The following NEGR1 variants were observed in gnomAD, a reference collection of about 807,000 sequenced individuals.
NEGR1 encodes the protein IgLON family member 4.
In NEGR1, 10 loss-of-function variants were observed where a neutral mutation model predicts 40.9. The observed-to-expected ratio is 0.24, with a 90% CI of 0.15 to 0.42. The LOEUF (loss-of-function observed/expected upper bound fraction) is 0.42. NEGR1 is among the 10% of genes least tolerant of loss of function. The probability of loss-of-function intolerance (pLI) is 1.00; values close to 1 mark genes in which losing one functional copy is unlikely to be tolerated. For missense variants in NEGR1, 352 were observed against 438.9 expected, an observed-to-expected ratio of 0.80 and a Z score of 1.77; for synonymous variants, 185 against 166.8, an observed-to-expected ratio of 1.11 and a Z score of -0.84.
intron 1 of NEGR1, among the ~76,000 whole-genome samples, chr1:72,256,726 CCTT>C (rs1408108773): frequency 6.6e-6 from 1 of 152,022 alleles, no homozygotes; most frequent in Admixed American, 6.6e-5. Flanking sequence ...ATTTTGTTTA[CCTT>C]ATTAGAGAAT....
intron 2 of NEGR1, among the ~76,000 whole-genome samples, chr1:71,840,534 G>A (rs510012): frequency 0.4 from 60,127 of 151,908 alleles, 12,551 homozygotes; most frequent in East Asian, 0.65. Context: ...TTATACTACT[G>A]ATAAATGGTT....
At chr1:72,128,313 G>T (rs2100306566) in intron 1 of NEGR1, among the ~76,000 whole-genome samples, 1 of 152,228 alleles carries the variant, frequency 6.6e-6, no homozygotes, top group Non-Finnish European at 1.5e-5. Context: ...AGCATATATT[G>T]GCAAAGAGCA....
chr1:71,999,648 T>C (rs1022701775), intron 1 of NEGR1, among the ~76,000 whole-genome samples: 1 of 43,286 alleles, frequency 2.3e-5, no homozygotes, highest in Non-Finnish European at 5.3e-5. Context: ...TATATATATA[T>C]ATATATATAT....
intron 1 of NEGR1, among the ~76,000 whole-genome samples, chr1:71,957,475 T>C (rs957621974): frequency 1.3e-5 from 2 of 152,056 alleles, no homozygotes; most frequent in East Asian, 3.9e-4. Context: ...TATGGATAAA[T>C]AAAAACCAAT....
chr1:72,038,040 C>G (rs1394741354), intron 1 of NEGR1, among the ~76,000 whole-genome samples: 1 of 152,074 alleles, frequency 6.6e-6, no homozygotes, highest in Non-Finnish European at 1.5e-5. Flanking sequence ...ATACTATGGT[C>G]TCATATATCA....
At chr1:71,728,626 T>G (rs896315566) in intron 3 of NEGR1, among the ~76,000 whole-genome samples, 1 of 152,230 alleles carries the variant, frequency 6.6e-6, no homozygotes, top group African/African-American at 2.4e-5. Flanking sequence ...GTAGGAACTT[T>G]ACTGGCTGTG....
At chr1:71,574,593 T>C (rs1048783734) in intron 6 of NEGR1, among the ~76,000 whole-genome samples, 10 of 152,052 alleles carry the variant, frequency 6.6e-5, no homozygotes, top group Non-Finnish European at 1.0e-4. Context: ...AGAAATGAAG[T>C]AGGTGATGGG....
chr1:71,914,377 C>T (rs946725096), intron 2 of NEGR1, among the ~76,000 whole-genome samples: 7 of 152,196 alleles, frequency 4.6e-5, no homozygotes, highest in African/African-American at 9.6e-5. Flanking sequence ...TTTTTTCCCA[C>T]ATTTCACAGA....
At chr1:71,585,989 G>A (rs1331481141) in intron 6 of NEGR1, among the ~76,000 whole-genome samples, 2 of 151,960 alleles carry the variant, frequency 1.3e-5, no homozygotes, top group Non-Finnish European at 2.9e-5. Context: ...TAGTGTATTG[G>A]CCATTTTGCA....
intron 3 of NEGR1, among the ~76,000 whole-genome samples, chr1:71,712,852 C>T (rs1654147697): frequency 6.6e-6 from 1 of 151,994 alleles, no homozygotes; most frequent in Non-Finnish European, 1.5e-5. Flanking sequence ...TGTGGCACTT[C>T]CATCTTAACT....
At chr1:72,029,363 G>T (rs887010106) in intron 1 of NEGR1, among the ~76,000 whole-genome samples, 1 of 152,028 alleles carries the variant, frequency 6.6e-6, no homozygotes, top group Non-Finnish European at 1.5e-5. Context: ...AAGAAACAAA[G>T]ACAACCTCAG....
intron 6 of NEGR1, among the ~76,000 whole-genome samples, chr1:71,424,253 A>G (rs1160550357): frequency 1.3e-5 from 2 of 152,226 alleles, no homozygotes; most frequent in Non-Finnish European, 2.9e-5. Context: ...ATCTTCACCT[A>G]CAGGCTCAGT....
intron 1 of NEGR1, among the ~76,000 whole-genome samples, chr1:72,200,892 T>C (rs1297181298): frequency 4.6e-5 from 7 of 151,864 alleles, no homozygotes; most frequent in Non-Finnish European, 7.4e-5. Flanking sequence ...TTTGCTAGAT[T>C]ATATACTTTA....
intron 3 of NEGR1, among the ~76,000 whole-genome samples, chr1:71,719,446 C>T (rs979283884): frequency 6.6e-6 from 1 of 152,028 alleles, no homozygotes; most frequent in African/African-American, 2.4e-5. Flanking sequence ...TGCCACTCCC[C>T]TGTATATCAT....
intron 1 of NEGR1, among the ~76,000 whole-genome samples, chr1:72,010,754 A>T (rs1034602575): frequency 1.3e-5 from 2 of 152,156 alleles, no homozygotes; most frequent in African/African-American, 2.4e-5. Context: ...GCGTAGGAAG[A>T]TGTGAGCATT....
chr1:71,845,749 A>T (rs184931216), intron 2 of NEGR1, among the ~76,000 whole-genome samples: 1 of 151,766 alleles, frequency 6.6e-6, no homozygotes. Flanking sequence ...CTACCTACCT[A>T]CCTACCTACA....
In NEGR1 at chr1:71,701,565, T is replaced by A. The variant is rs1038952570; in HGVS notation, c.536-3426A>T. 4.6e-5 allele frequency among the ~76,000 whole-genome samples: 7 copies of A among 152,160 alleles called. No individual in the cohort carries two copies. The East Asian group carries it at 1.4e-3, about 29-fold the overall frequency. On this transcript the variant is annotated intron_variant, in intron 3 of 6. Coordinates refer to ENST00000357731, the MANE Select transcript of NEGR1 (RefSeq NM_173808.3). ...CTGAGCCCACCTGCCTAATCTAAAG[T>A]AATTTCCTCATCTCTAGCTCCTAAC...
intron 2 of NEGR1, among the ~76,000 whole-genome samples, chr1:71,895,035 T>C (rs1161762297): frequency 6.6e-6 from 1 of 152,172 alleles, no homozygotes; most frequent in African/African-American, 2.4e-5. Context: ...GGCATACCCA[T>C]CGCATGATTC....
Position 71,406,967 on chromosome 1 carries a change from T to A in NEGR1, c.*479A>T, listed in dbSNP as rs1244832111. ...TGTGTTATATTTTGAAGAAATAATC[T>A]GAAGGCAATATTATTTGCTTTTTTA... On this transcript the variant is annotated 3_prime_UTR_variant, in exon 7 of 7. Coordinates refer to ENST00000357731, the MANE Select transcript of NEGR1 (RefSeq NM_173808.3). The A allele has an allele frequency of 6.6e-6, 1 of 152,564 alleles. No individual in the cohort carries two copies. Among genetic ancestry groups the A allele is most frequent in the Non-Finnish European group, 1.5e-5 (1 of 68,006 alleles). The allele number at this position is 152,564 out of a possible 1,614,324, so 9.5% of individuals were successfully genotyped here.
Sources: allele counts gnomAD v4.1 joint callset (sites outside exome capture counted in the v4.1 genomes callset), GRCh38; gene constraint gnomAD v4.1.1; transcripts MANE v1.5; gene names NCBI Gene and HGNC (gene_info 2026-07-23, HGNC 2026-07-21).